Variants in SMN1 observed in about 807,000 individuals in gnomAD.
SMN1 encodes the protein survival motor neuron protein.
For missense variants in SMN1, 15 were observed against 17.1 expected (o/e 0.88, Z 0.22); for synonymous variants, 3 against 5.1 (o/e 0.58, Z 0.56).
At chr5:70,927,647 A>T (rs1580884337) in intron 1 of SMN1, among the ~76,000 whole-genome samples, 1 of 26,644 alleles carries the variant, frequency 3.8e-5, no homozygotes, top group Non-Finnish European at 6.2e-5. Flanking sequence ...GGATTTTAAG[A>T]CCCTGAGAGA....
At chr5:70,949,904 A>T (rs1749626619) in intron 7 of SMN1, among the ~76,000 whole-genome samples, 1 of 107,020 alleles carries the variant, frequency 9.3e-6, no homozygotes, top group Admixed American at 1.1e-4. Context: ...CGTCTCTACT[A>T]AAAAAAATAC....
downstream of SMN1, among the ~76,000 whole-genome samples, chr5:70,958,483 G>T (rs1397011815): frequency 4.5e-5 from 1 of 22,348 alleles, no homozygotes; most frequent in African/African-American, 1.3e-4. Flanking sequence ...ACACTGCTTT[G>T]AATGTGTCCC....
intron 7 of SMN1, among the ~76,000 whole-genome samples, chr5:70,951,099 A>G (rs1359256802): frequency 6.6e-6 from 1 of 151,678 alleles, no homozygotes; most frequent in Non-Finnish European, 1.5e-5. Flanking sequence ...TTAAATTTAA[A>G]TTTTATTTTT....
downstream of SMN1, among the ~76,000 whole-genome samples, chr5:70,956,910 A>G (rs1749920238): frequency 2.5e-5 from 3 of 117,774 alleles, 1 homozygote; most frequent in Non-Finnish European, 5.5e-5. Flanking sequence ...CTTGGGCAGT[A>G]TGGCCATTTT....
At chr5:70,943,542 T>C (rs1307495728) in intron 5 of SMN1, among the ~76,000 whole-genome samples, 1 of 52,902 alleles carries the variant, frequency 1.9e-5, no homozygotes, top group Non-Finnish European at 4.2e-5. Context: ...GTATAAGATA[T>C]GTAAAATAAG....
rs1580895544 is a variant in SMN1, at chr5:70,952,346, A to G, written c.*4-93A>G. On this transcript the variant is annotated intron_variant, in intron 8 of 8. Coordinates refer to ENST00000380707, the MANE Select transcript of SMN1 (RefSeq NM_000344.4). ...CATACTGCACTGTACACTCTGACAT[A>G]TGAAGTGCTCTAGTCAAGTTTAACT... 7 of 1,165,664 alleles carry G rather than the reference A, an allele frequency of 6.0e-6. No homozygotes were observed. The South Asian group carries it at 1.1e-4, about 19-fold the overall frequency. The allele number at this position is 1,165,664 out of a possible 1,614,324, so 72.2% of individuals were successfully genotyped here.
At chr5:70,954,710 C>A (rs563483368), downstream of SMN1, among the ~76,000 whole-genome samples, 1 of 50,276 alleles carries the variant, frequency 2.0e-5, no homozygotes, top group Non-Finnish European at 4.8e-5. Context: ...AAAATTAGCC[C>A]GGCATGGTGG....
the SMN1 span, among the ~76,000 whole-genome samples, chr5:70,960,937 TCCAC>T: frequency 1.4e-5 from 2 of 140,134 alleles, no homozygotes; most frequent in African/African-American, 5.1e-5. Flanking sequence ...CCTCAAGTGA[TCCAC>T]CCACCTTGGC....
At chr5:70,951,803 T>G in intron 7 of SMN1, 138 bp from the exon 8 acceptor site, 1 of 623,972 alleles carries the variant, frequency 1.6e-6, no homozygotes, top group Non-Finnish European at 2.9e-6. Flanking sequence ...ACTTAATTTC[T>G]GATCATATTT....
chr5:70,951,219 G>A (rs1214068331), intron 7 of SMN1, among the ~76,000 whole-genome samples: 1 of 150,848 alleles, frequency 6.6e-6, no homozygotes, highest in Non-Finnish European at 1.5e-5. Context: ...TCAGTTTCCC[G>A]AGTAGCTGGG....
chr5:70,955,109 A>T (rs1385881198), downstream of SMN1, among the ~76,000 whole-genome samples: 1 of 144,470 alleles, frequency 6.9e-6, no homozygotes, highest in Non-Finnish European at 1.5e-5. Context: ...GCTACTGGAG[A>T]GGCTGAGGCA....
chr5:70,955,055 A>G (rs1455493999), downstream of SMN1, among the ~76,000 whole-genome samples: 1 of 142,146 alleles, frequency 7.0e-6, no homozygotes, highest in Non-Finnish European at 1.5e-5. Flanking sequence ...TCTACAAAAA[A>G]TGAAAGAATT....
In SMN1 at chr5:70,951,943, T is replaced by C. The variant is rs1561503108; in HGVS notation, c.837T>C (p.Gly279=). The part of the protein sequence containing the change: ...MSGYHTGYYM[G]FRQNQKEGRC... ...AACTTCCTTTATTTTCCTTACAGGG[T>C]TTCAGACAAAATCAAAAAGAAGGAA... The change falls in exon 8 of 9, where the codon GGT becomes GGC. Residue 279 remains glycine, a splice_region_variant and synonymous_variant. Coordinates refer to ENST00000380707, the MANE Select transcript of SMN1 (RefSeq NM_000344.4). The C allele has an allele frequency of 1.2e-6, 2 of 1,613,034 alleles. No individual in the cohort carries two copies. The highest frequency in any genetic ancestry group is 2.2e-5 in the South Asian group (2 of 91,024).
chr5:70,943,600 GA>G (rs1749455766), intron 5 of SMN1, among the ~76,000 whole-genome samples: 1 of 67,022 alleles, frequency 1.5e-5, no homozygotes, highest in African/African-American at 4.6e-5. Context: ...GGCGCTCTCA[GA>G]TTGTTTTGTA....
rs77969175 is a variant in SMN1, at chr5:70,951,941, G to T, written c.835G>T (p.Gly279Cys). Reference protein sequence around the residue: ...MSGYHTGYYMGFRQNQKEGRC... With the variant: ...MSGYHTGYYMCFRQNQKEGRC... ...TTAACTTCCTTTATTTTCCTTACAGGGTTTCAGACAAAATCAAAAAGAAGG... is the reference window on the plus strand; with the variant it reads ...TTAACTTCCTTTATTTTCCTTACAGTGTTTCAGACAAAATCAAAAAGAAGG... The change falls in exon 8 of 9, where the codon GGT becomes TGT. Residue 279 changes from glycine to cysteine, a missense_variant and splice_region_variant. Physicochemically the swap from Gly to Cys is radical, Grantham distance 159 (BLOSUM62 -3). Coordinates refer to ENST00000380707, the MANE Select transcript of SMN1 (RefSeq NM_000344.4). 1.2e-6 allele frequency: 2 copies of T among 1,612,380 alleles called. No individual in the cohort carries two copies. The highest frequency in any genetic ancestry group is 1.1e-5 in the South Asian group (1 of 90,978).
the SMN1 span, among the ~76,000 whole-genome samples, chr5:70,958,956 C>T: frequency 2.0e-5 from 3 of 150,276 alleles, no homozygotes; most frequent in African/African-American, 7.3e-5. Flanking sequence ...CACATGCACA[C>T]GTATGTTTAT....
chr5:70,955,235 A>G, downstream of SMN1, among the ~76,000 whole-genome samples: 1 of 144,178 alleles, frequency 6.9e-6, no homozygotes, highest in Admixed American at 7.1e-5. Context: ...ACCAAACCAA[A>G]GCAACAAACA....
chr5:70,958,910 A>G (rs996087039), downstream of SMN1, among the ~76,000 whole-genome samples: 1 of 150,128 alleles, frequency 6.7e-6, no homozygotes, highest in Non-Finnish European at 1.5e-5. Context: ...TACTGGGTAT[A>G]TACCCAAAGG....
At chr5:70,935,753 CAA>C (rs1412648108) in intron 1 of SMN1, among the ~76,000 whole-genome samples, 1 of 150,486 alleles carries the variant, frequency 6.6e-6, no homozygotes, top group African/African-American at 2.5e-5. Flanking sequence ...ACTCTTGTCT[CAA>C]GAGAAAACAA....
Sources: allele counts gnomAD v4.1 joint callset (sites outside exome capture counted in the v4.1 genomes callset), GRCh38; gene constraint gnomAD v4.1.1; transcripts MANE v1.5; gene names NCBI Gene and HGNC (gene_info 2026-07-23, HGNC 2026-07-21).